Variants in PTPRK observed in about 807,000 individuals in gnomAD.
The protein encoded by PTPRK is protein tyrosine phosphatase receptor type K, also known as receptor-type tyrosine-protein phosphatase kappa.
PTPRK carries 75 observed loss-of-function variants against 178.0 expected under a neutral mutation model. The ratio of observed to expected loss-of-function variants is 0.42; its 90% CI spans 0.35 to 0.51. The LOEUF (loss-of-function observed/expected upper bound fraction) is 0.51, where lower values mean the gene tolerates loss of function less well. PTPRK is among the 20% of genes least tolerant of loss of function. The pLI, the probability that PTPRK is intolerant of heterozygous loss-of-function variation, is 0.02. For synonymous variants in PTPRK, 637 were observed against 620.6 expected (o/e 1.03, Z -0.39); for missense variants, 1,441 against 1,797.8 (o/e 0.80, Z 3.59).
chr6:128,128,769 T>C (rs576770892), intron 7 of PTPRK, among the ~76,000 whole-genome samples: 1 of 152,316 alleles, frequency 6.6e-6, no homozygotes, highest in Admixed American at 6.5e-5. Context: ...AATCAAGCTA[T>C]ACACTCAACT....
intron 7 of PTPRK, among the ~76,000 whole-genome samples, chr6:128,182,405 T>C (rs62427867): frequency 0.047 from 7,118 of 152,116 alleles, 253 homozygotes; most frequent in Non-Finnish European, 0.074. Context: ...GTGAAACCCA[T>C]CTCTACAAAA....
At chr6:128,114,821 A>G (rs1371644164) in intron 7 of PTPRK, among the ~76,000 whole-genome samples, 1 of 151,926 alleles carries the variant, frequency 6.6e-6, no homozygotes, top group Non-Finnish European at 1.5e-5. Flanking sequence ...CCAGAGACAG[A>G]GCAGACCCAG....
intron 3 of PTPRK, among the ~76,000 whole-genome samples, chr6:128,263,285 G>T (rs995806099): frequency 1.3e-5 from 2 of 152,162 alleles, no homozygotes; most frequent in African/African-American, 4.8e-5. Context: ...TATTAATGAG[G>T]GAACACTTGC....
intron 7 of PTPRK, among the ~76,000 whole-genome samples, chr6:128,111,343 T>C (rs2114336629): frequency 6.6e-6 from 1 of 152,230 alleles, no homozygotes; most frequent in African/African-American, 2.4e-5. Flanking sequence ...GATCCAAACA[T>C]CCAGAACTGC....
chr6:128,407,718 C>G (rs113026934), intron 1 of PTPRK, among the ~76,000 whole-genome samples: 1 of 149,404 alleles, frequency 6.7e-6, no homozygotes, highest in Non-Finnish European at 1.5e-5. Flanking sequence ...CTCATTTATT[C>G]AACATTCTTT....
At chr6:128,511,739 T>C (rs1857217208) in intron 1 of PTPRK, among the ~76,000 whole-genome samples, 1 of 152,212 alleles carries the variant, frequency 6.6e-6, no homozygotes, top group Non-Finnish European at 1.5e-5. Flanking sequence ...TGTCTAATCT[T>C]TAAACATTTG....
intron 1 of PTPRK, among the ~76,000 whole-genome samples, chr6:128,515,948 G>C (rs2128445902): frequency 6.6e-6 from 1 of 152,100 alleles, no homozygotes; most frequent in Non-Finnish European, 1.5e-5. Context: ...TTTTCTATAT[G>C]GAATCTTATC....
chr6:128,403,462 T>C (rs1841279305), intron 1 of PTPRK, among the ~76,000 whole-genome samples: 1 of 152,202 alleles, frequency 6.6e-6, no homozygotes, highest in Non-Finnish European at 1.5e-5. Flanking sequence ...ATAGCTTTCA[T>C]ATTTTACCTC....
At chr6:128,060,203 T>C (rs1054258756) in intron 13 of PTPRK, among the ~76,000 whole-genome samples, 45 of 152,204 alleles carry the variant, frequency 3.0e-4, no homozygotes, top group African/African-American at 1.0e-3. Context: ...AAGATGAATG[T>C]TGAAAATTGT....
chr6:128,341,476 G>A (rs1831650347), intron 2 of PTPRK, among the ~76,000 whole-genome samples: 1 of 152,054 alleles, frequency 6.6e-6, no homozygotes, highest in South Asian at 2.1e-4. Flanking sequence ...AGGTACATTG[G>A]AATAAAATTA....
chr6:128,050,694 A>G (rs1196148990), intron 13 of PTPRK, among the ~76,000 whole-genome samples: 1 of 152,230 alleles, frequency 6.6e-6, no homozygotes, highest in Non-Finnish European at 1.5e-5. Context: ...TATTACACTA[A>G]GCATTTTTAA....
In PTPRK at chr6:128,017,385, A is replaced by T. The variant is rs114273877; in HGVS notation, c.2195-8117T>A. Among the ~76,000 whole-genome samples the T allele has an allele frequency of 7.8e-3, 1,181 of 151,864 alleles. 16 individuals carry two copies. Among genetic ancestry groups the T allele is most frequent in the African/African-American group, 0.027 (1,127 of 41,450 alleles). On this transcript the variant is annotated intron_variant, in intron 13 of 29. Coordinates refer to ENST00000368226, the MANE Select transcript of PTPRK (RefSeq NM_002844.4). ...CTGCTAACTCTCACTCTTGAAAGTG[A>T]GTTACTTTCAAGAATGCTTGGTGAC...
chr6:128,409,046 A>G (rs1268401415), intron 1 of PTPRK, among the ~76,000 whole-genome samples: 2 of 152,242 alleles, frequency 1.3e-5, no homozygotes, highest in Non-Finnish European at 2.9e-5. Flanking sequence ...AATGGAAAGA[A>G]GACAGTGTCA....
intron 1 of PTPRK, among the ~76,000 whole-genome samples, chr6:128,480,236 T>C (rs1410768292): frequency 6.6e-6 from 1 of 152,124 alleles, no homozygotes; most frequent in East Asian, 1.9e-4. Flanking sequence ...TCATTCCCCT[T>C]TCGCGCTTGT....
chr6:128,302,058 C>A (rs1479347864), intron 3 of PTPRK, among the ~76,000 whole-genome samples: 2 of 151,756 alleles, frequency 1.3e-5, no homozygotes, highest in Non-Finnish European at 2.9e-5. Flanking sequence ...AAAAGCTAAC[C>A]AAAGACAAAC....
chr6:128,000,492 GT>G (rs1562410667), intron 15 of PTPRK: 5 of 401,896 alleles, frequency 1.2e-5, no homozygotes, highest in Middle Eastern at 5.6e-4. Flanking sequence ...GATAGATTCT[GT>G]TGTGACCTAA....
intron 13 of PTPRK, among the ~76,000 whole-genome samples, chr6:128,033,650 T>C (rs879390219): frequency 2.0e-5 from 3 of 152,090 alleles, no homozygotes; most frequent in African/African-American, 4.8e-5. Flanking sequence ...GGTGAGAGGA[T>C]TGCTTGAGCC....
intron 8 of PTPRK, among the ~76,000 whole-genome samples, chr6:128,088,555 A>G (rs934431532): frequency 1.3e-5 from 2 of 152,132 alleles, no homozygotes; most frequent in East Asian, 3.9e-4. Context: ...TTTTTTCTAC[A>G]TGCCTTAATT....
At chr6:128,031,592 A>G (rs1319896846) in intron 13 of PTPRK, among the ~76,000 whole-genome samples, 1 of 152,100 alleles carries the variant, frequency 6.6e-6, no homozygotes, top group Non-Finnish European at 1.5e-5. Flanking sequence ...GTTGGGGAGG[A>G]AAGTAACTAA....
Sources: allele counts gnomAD v4.1 joint callset (sites outside exome capture counted in the v4.1 genomes callset), GRCh38; gene constraint gnomAD v4.1.1; transcripts MANE v1.5; gene names NCBI Gene and HGNC (gene_info 2026-07-23, HGNC 2026-07-21).